The following ABCC4 variants were observed in gnomAD, a reference collection of about 807,000 sequenced individuals.
The protein encoded by ABCC4 is ATP-binding cassette sub-family C member 4.
Under a neutral mutation model 168.5 loss-of-function variants are expected in ABCC4, and 102 were observed. The ratio of observed to expected loss-of-function variants is 0.61; its 90% CI spans 0.52 to 0.71. The LOEUF (loss-of-function observed/expected upper bound fraction) is 0.71. Among genes scored for constraint, ABCC4 ranks in the 30% least tolerant of loss-of-function variants. ABCC4 has a pLI of 0.00. For synonymous variants in ABCC4, 617 were observed against 590.7 expected (o/e 1.04, Z -0.65); for missense variants, 1,402 against 1,605.8 (o/e 0.87, Z 2.17).
chr13:95,232,403 G>A (rs2039648083), intron 4 of ABCC4, among the ~76,000 whole-genome samples: 1 of 152,150 alleles, frequency 6.6e-6, no homozygotes, highest in African/African-American at 2.4e-5. Context: ...AATGGGCTGG[G>A]TGCGGTGGCT....
chr13:95,270,829 C>A (rs2040828507), intron 1 of ABCC4, among the ~76,000 whole-genome samples: 3 of 152,226 alleles, frequency 2.0e-5, no homozygotes, highest in Non-Finnish European at 2.9e-5. Flanking sequence ...GGCACGGTGG[C>A]TCACGCCTGT....
At chr13:95,221,960 G>T (rs2138716395) in intron 4 of ABCC4, among the ~76,000 whole-genome samples, 1 of 152,232 alleles carries the variant, frequency 6.6e-6, no homozygotes, top group Admixed American at 6.5e-5. Flanking sequence ...ACTTCCCTGA[G>T]GCACAAATTA....
chr13:95,248,348 T>C (rs1215292003), intron 1 of ABCC4, among the ~76,000 whole-genome samples: 2 of 152,242 alleles, frequency 1.3e-5, no homozygotes, highest in Middle Eastern at 3.4e-3. Context: ...AGAAAACATT[T>C]TCAATGGGAG....
chr13:95,150,492 C>T (rs377134071), intron 19 of ABCC4, among the ~76,000 whole-genome samples: 1 of 152,000 alleles, frequency 6.6e-6, no homozygotes, highest in African/African-American at 2.4e-5. Flanking sequence ...CTCCCCCTCC[C>T]TCCCCCTTCC....
Position 95,141,214 on chromosome 13 carries a change from T to C in ABCC4, c.2455+19975A>G, listed in dbSNP as rs141860781. Among the ~76,000 whole-genome samples the C allele has an allele frequency of 5.6e-3, 852 of 152,272 alleles. 12 individuals are homozygous for C. The highest frequency in any genetic ancestry group is 0.02 in the African/African-American group (812 of 41,548). ...AGCTTTAATCCTCTGACATTACAAG[T>C]CGGAGGCAAAGGCAACAGCCAGCAC... On this transcript the variant is annotated intron_variant, in intron 19 of 30. Transcript: ENST00000645237.
chr13:95,024,224 A>C (rs1443902455), intron 30 of ABCC4, among the ~76,000 whole-genome samples: 7 of 151,900 alleles, frequency 4.6e-5, no homozygotes, highest in African/African-American at 1.2e-4. Context: ...AAAAAAAAAA[A>C]AAAAGTTACT....
At chr13:95,177,935 G>T in intron 12 of ABCC4, 62 bp downstream of exon 12, 1 of 1,560,064 alleles carries the variant, frequency 6.4e-7, no homozygotes, top group Non-Finnish European at 8.8e-7. Flanking sequence ...GGTCCTATGT[G>T]CTCACCACCA....
At chr13:95,106,490 G>A (rs1420757424) in intron 20 of ABCC4, among the ~76,000 whole-genome samples, 2 of 151,222 alleles carry the variant, frequency 1.3e-5, no homozygotes, top group Non-Finnish European at 2.9e-5. Context: ...CTTTTTTCTA[G>A]AGGGAGTTTT....
intron 4 of ABCC4, among the ~76,000 whole-genome samples, chr13:95,224,867 A>T (rs1055534067): frequency 4.6e-5 from 7 of 152,234 alleles, no homozygotes; most frequent in Admixed American, 3.3e-4. Context: ...TGGGTAATTT[A>T]AAAACTATTT....
intron 26 of ABCC4, among the ~76,000 whole-genome samples, chr13:95,058,536 T>C (rs1428936778): frequency 2.6e-5 from 3 of 114,788 alleles, no homozygotes; most frequent in African/African-American, 3.4e-5. Context: ...GTCACTGCAG[T>C]CCAGCCTGGC....
chr13:95,255,040 T>A (rs1032356817), intron 1 of ABCC4, among the ~76,000 whole-genome samples: 1 of 152,194 alleles, frequency 6.6e-6, no homozygotes, highest in African/African-American at 2.4e-5. Context: ...AATATAAATA[T>A]TAAATAATTT....
At chr13:95,211,057 T>C (rs1157566397) in intron 4 of ABCC4, among the ~76,000 whole-genome samples, 1 of 152,164 alleles carries the variant, frequency 6.6e-6, no homozygotes, top group East Asian at 1.9e-4. Context: ...CATAAGTTTC[T>C]ACTTAAGAGC....
intron 4 of ABCC4, among the ~76,000 whole-genome samples, chr13:95,228,691 G>A (rs2039535970): frequency 6.6e-6 from 1 of 151,820 alleles, no homozygotes; most frequent in Admixed American, 6.6e-5. Flanking sequence ...TTGAACCCGG[G>A]AGGCGGAGGT....
chr13:95,040,773 T>C (rs1206776620), intron 29 of ABCC4, among the ~76,000 whole-genome samples: 2 of 151,476 alleles, frequency 1.3e-5, no homozygotes, highest in Non-Finnish European at 1.5e-5. Context: ...TCTAGTTTGT[T>C]TTCTCTGAGG....
chr13:95,072,822 T>C (rs571358854), intron 24 of ABCC4, among the ~76,000 whole-genome samples: 1 of 152,302 alleles, frequency 6.6e-6, no homozygotes, highest in East Asian at 1.9e-4. Context: ...ATTAATTAAA[T>C]GTAAACAACC....
At chr13:95,177,558 C>A (rs2037746706) in intron 13 of ABCC4, 149 bp downstream of exon 13, 1 of 588,948 alleles carries the variant, frequency 1.7e-6, no homozygotes, top group Non-Finnish European at 2.9e-6. Flanking sequence ...CAAAATTTCT[C>A]TAAAATGGAT....
intron 20 of ABCC4, among the ~76,000 whole-genome samples, chr13:95,088,402 AATG>A (rs1431269106): frequency 6.6e-6 from 1 of 152,234 alleles, no homozygotes; most frequent in African/African-American, 2.4e-5. Context: ...AACTTGACTT[AATG>A]ATGACCTAAA....
chr13:95,278,928 G>A (rs9524878), intron 1 of ABCC4, among the ~76,000 whole-genome samples: 1 of 144,002 alleles, frequency 6.9e-6, no homozygotes, highest in Admixed American at 7.1e-5. Flanking sequence ...TCCTTCCTCA[G>A]AGACCGGAGT....
At chr13:95,150,458 T>G (rs1386311120) in intron 19 of ABCC4, among the ~76,000 whole-genome samples, 1 of 152,176 alleles carries the variant, frequency 6.6e-6, no homozygotes, top group East Asian at 1.9e-4. Flanking sequence ...ATAAACTTCC[T>G]CTCAAAAATG....
Sources: gnomAD v4.1 joint callset for allele counts (sites outside exome capture counted in the v4.1 genomes callset) on GRCh38, gnomAD v4.1.1 for gene constraint, MANE v1.5 for transcripts, NCBI Gene and HGNC (gene_info 2026-07-23, HGNC 2026-07-21) for gene names.